The following SHC3 variants were observed in gnomAD, a reference collection of about 807,000 sequenced individuals.
The protein encoded by SHC3 is SHC-transforming protein 3.
Under a neutral mutation model 60.4 loss-of-function variants are expected in SHC3, and 15 were observed. The ratio of observed to expected loss-of-function variants is 0.25; its 90% CI spans 0.17 to 0.38. The LOEUF is 0.38. SHC3 is among the 10% of genes least tolerant of loss of function. The pLI, the probability that SHC3 is intolerant of heterozygous loss-of-function variation, is 1.00. For synonymous variants in SHC3, 294 were observed against 325.9 expected (o/e 0.90, Z 1.05); for missense variants, 677 against 786.1 (o/e 0.86, Z 1.66).
chr9:89,173,096 T>C (rs1342032645), intron 1 of SHC3, among the ~76,000 whole-genome samples: 1 of 152,258 alleles, frequency 6.6e-6, no homozygotes, highest in Non-Finnish European at 1.5e-5. Flanking sequence ...AGCACAACCC[T>C]GCCTTCAACT....
chr9:89,125,314 A>G (rs1826148590), intron 1 of SHC3, among the ~76,000 whole-genome samples: 1 of 152,152 alleles, frequency 6.6e-6, no homozygotes, highest in African/African-American at 2.4e-5. Context: ...TTCAGGACAG[A>G]TAAGTTCAAA....
At position 89,074,456 on chromosome 9, in the gene SHC3, C is replaced by T. The variant is rs114575510; in HGVS notation, c.729+653G>A. Among the ~76,000 whole-genome samples the T allele has an allele frequency of 9.2e-3, 1,407 of 152,176 alleles. 26 individuals are homozygous for T. Among genetic ancestry groups the T allele is most frequent in the African/African-American group, 0.032 (1,330 of 41,522 alleles). On this transcript the variant is annotated intron_variant, in intron 4 of 11. Transcript: ENST00000375835. ...GTAGCTAAAATAGCTACTCAAACAC[C>T]TATTTTTCCAGCTAAAGAAATTAAT...
chr9:89,047,321 C>G (rs1824790632), intron 7 of SHC3, among the ~76,000 whole-genome samples: 3 of 152,146 alleles, frequency 2.0e-5, no homozygotes, highest in Non-Finnish European at 4.4e-5. Flanking sequence ...TGAAATTGAT[C>G]CCAAACAAAA....
intron 7 of SHC3, among the ~76,000 whole-genome samples, chr9:89,047,723 T>C (rs1824796956): frequency 6.6e-6 from 1 of 152,068 alleles, no homozygotes; most frequent in African/African-American, 2.4e-5. Flanking sequence ...GTAGCTATAA[T>C]CAAAGAGATG....
At chr9:89,111,855 C>A (rs1192072021) in intron 2 of SHC3, among the ~76,000 whole-genome samples, 1 of 152,182 alleles carries the variant, frequency 6.6e-6, no homozygotes, top group Non-Finnish European at 1.5e-5. Flanking sequence ...AACCTAAGCT[C>A]CTTGACCACA....
At chr9:89,037,403 C>T in intron 11 of SHC3, 1 of 652,404 alleles carries the variant, frequency 1.5e-6, no homozygotes, top group Non-Finnish European at 2.8e-6. Context: ...AATTCTTGGA[C>T]TATGCCCCAG....
intron 1 of SHC3, among the ~76,000 whole-genome samples, chr9:89,165,993 C>T (rs1826783399): frequency 6.6e-6 from 1 of 152,150 alleles, no homozygotes; most frequent in African/African-American, 2.4e-5. Flanking sequence ...TTGCCAGTGG[C>T]TTCCCACCAT....
At chr9:89,059,131 G>T (rs368258753) in intron 6 of SHC3, among the ~76,000 whole-genome samples, 1 of 137,284 alleles carries the variant, frequency 7.3e-6, no homozygotes. Flanking sequence ...GGTGGAGGAC[G>T]GTGGTGGAGG....
intron 2 of SHC3, among the ~76,000 whole-genome samples, chr9:89,093,410 T>G (rs1451192451): frequency 6.6e-6 from 1 of 152,216 alleles, no homozygotes; most frequent in Non-Finnish European, 1.5e-5. Context: ...GTAGAAATGT[T>G]CTTGACTGCA....
intron 2 of SHC3, among the ~76,000 whole-genome samples, chr9:89,090,172 TA>T (rs1825600235): frequency 6.6e-6 from 1 of 152,124 alleles, no homozygotes; most frequent in African/African-American, 2.4e-5. Flanking sequence ...ACATATTATA[TA>T]TAAAATTTTA....
At chr9:89,169,068 A>G (rs1288246347) in intron 1 of SHC3, among the ~76,000 whole-genome samples, 1 of 152,228 alleles carries the variant, frequency 6.6e-6, no homozygotes, top group Non-Finnish European at 1.5e-5. Context: ...AAATTATGCA[A>G]GCCAATTCCT....
At chr9:89,156,656 C>T (rs1167417131) in intron 1 of SHC3, among the ~76,000 whole-genome samples, 1 of 152,040 alleles carries the variant, frequency 6.6e-6, no homozygotes, top group African/African-American at 2.4e-5. Context: ...AAAATATGTC[C>T]CTGAGTTGTT....
intron 11 of SHC3, among the ~76,000 whole-genome samples, chr9:89,016,153 T>G (rs1293316798): frequency 6.6e-6 from 1 of 151,570 alleles, no homozygotes; most frequent in Non-Finnish European, 1.5e-5. Flanking sequence ...CCAAAAAACC[T>G]CTAGCCAGGC....
chr9:89,094,534 A>T (rs377335898), intron 2 of SHC3, among the ~76,000 whole-genome samples: 125 of 152,354 alleles, frequency 8.2e-4, no homozygotes, highest in Middle Eastern at 3.4e-3. Flanking sequence ...CACAATTGAC[A>T]TTTATAGAGT....
At chr9:89,160,250 C>A (rs955283185) in intron 1 of SHC3, among the ~76,000 whole-genome samples, 5 of 152,156 alleles carry the variant, frequency 3.3e-5, no homozygotes, top group African/African-American at 9.7e-5. Flanking sequence ...CTCCAAAGAG[C>A]TTCTCACTCT....
At chr9:89,091,804 A>G (rs1352807171) in intron 2 of SHC3, among the ~76,000 whole-genome samples, 1 of 152,152 alleles carries the variant, frequency 6.6e-6, no homozygotes, top group African/African-American at 2.4e-5. Context: ...CCTCTATTCT[A>G]CTTTCTATCT....
At chr9:89,142,427 G>A (rs113404502) in intron 1 of SHC3, among the ~76,000 whole-genome samples, 3,632 of 151,170 alleles carry the variant, frequency 0.024, 62 homozygotes, top group Middle Eastern at 0.072. Flanking sequence ...CAGGTGTGGT[G>A]GTGGGTGCCT....
chr9:89,135,205 T>C (rs185566260), intron 1 of SHC3, among the ~76,000 whole-genome samples: 8 of 152,290 alleles, frequency 5.3e-5, no homozygotes, highest in Admixed American at 5.2e-4. Flanking sequence ...CAAACTTGAC[T>C]TGTAGAGCCA....
chr9:89,140,843 T>C (rs1387503432), intron 1 of SHC3, among the ~76,000 whole-genome samples: 3 of 151,724 alleles, frequency 2.0e-5, no homozygotes, highest in African/African-American at 7.3e-5. Flanking sequence ...AAAGACAAAA[T>C]GAAGAAAAAC....
Sources: gnomAD v4.1 joint callset for allele counts (sites outside exome capture counted in the v4.1 genomes callset) on GRCh38, gnomAD v4.1.1 for gene constraint, MANE v1.5 for transcripts, NCBI Gene and HGNC (gene_info 2026-07-23, HGNC 2026-07-21) for gene names.